The following CC2D1B variants were observed in gnomAD, a reference collection of about 807,000 sequenced individuals.
CC2D1B encodes coiled-coil and C2 domain-containing protein 1B.
Under a neutral mutation model 110.8 loss-of-function variants are expected in CC2D1B, and 92 were observed. That is an observed-to-expected ratio of 0.83 (90% CI 0.70 to 0.99). The LOEUF is 0.99. Among genes scored for constraint, CC2D1B ranks in the 50% least tolerant of loss-of-function variants. The probability of loss-of-function intolerance (pLI) is 0.00; values close to 1 mark genes in which losing one functional copy is unlikely to be tolerated. For missense variants in CC2D1B, 1,136 were observed against 1,089.0 expected (o/e 1.04, Z -0.61); for synonymous variants, 406 against 429.2 (o/e 0.95, Z 0.67).
chr1:52,356,264 T>A lies in CC2D1B; in HGVS notation c.1976A>T (p.Glu659Val), dbSNP rs778546429. Residue 659 changes from glutamate to valine, a missense_variant, in exon 18 of 25, where the codon GAG (glutamate) becomes GTG (valine). Physicochemically the swap from Glu to Val is moderately radical, Grantham distance 121. Transcript: ENST00000284376. Reference sequence around the variant, plus strand: ...CTGAGCCTGGGCCAGCTGCAGGATCTCCAGCTGTTTCTTGCGGTCCTGAGC... The same window carrying A: ...CTGAGCCTGGGCCAGCTGCAGGATCACCAGCTGTTTCTTGCGGTCCTGAGC... The part of the protein sequence containing the change: ...KLAQDRKKQL[E>V]ILQLAQAQGL... 1 of 1,614,200 alleles carries A rather than the reference T, an allele frequency of 6.2e-7. No individual in the cohort carries two copies. The highest frequency in any genetic ancestry group is 1.1e-5 in the South Asian group (1 of 91,086).
At position 52,358,415 on chromosome 1, in the gene CC2D1B, C is replaced by T. The variant is rs761224427; in HGVS notation, c.1377G>A (p.Glu459=). The T allele has an allele frequency of 8.1e-6, 13 of 1,613,988 alleles. No individual in the cohort carries two copies. The highest frequency in any genetic ancestry group is 1.7e-5 in the Admixed American group (1 of 60,004). ...CTGCCAATGTCGCTGCCACTGCGTC[C>T]TCCTCAACACCCATAGTGGACTCCA... ...PGLESTMGVE[E]DAVAATLAAA... Residue 459 remains glutamate, a synonymous_variant, in exon 13 of 25, where the codon GAG becomes GAA. Transcript: ENST00000284376.
In CC2D1B at chr1:52,355,457, G is replaced by T; in HGVS notation, c.2188-8C>A. The T allele has an allele frequency of 6.2e-7, 1 of 1,614,180 alleles. No homozygotes were observed. The highest frequency in any genetic ancestry group is 1.1e-5 in the South Asian group (1 of 91,090). The stretch of plus-strand genomic sequence containing the variant: ...GCTTTTTTGAGCCTGGTCCTAAGCA[G>T]TGAGGAGGGAGAAGTCAGGACAGCG... On this transcript the variant is annotated splice_polypyrimidine_tract_variant and splice_region_variant and intron_variant, in intron 20 of 24. Transcript: ENST00000284376.
At position 52,356,405 on chromosome 1, in the gene CC2D1B, C is replaced by T; in HGVS notation, c.1916G>A (p.Gly639Asp). The change falls in exon 17 of 25, where the codon GGC (glycine) becomes GAC (aspartate). Residue 639 changes from glycine (G) to aspartate (D), a missense_variant. Transcript: ENST00000284376. ...TTACCGGGTGGTCTCAGCCACGTTG[C>T]CCTGGTGCATGAACTGCTTGGAGAA... is the stretch of plus-strand genomic sequence containing the variant. Reference protein sequence around the residue: ...LLFSKQFMHQGNVAETTRFEK... With the variant: ...LLFSKQFMHQDNVAETTRFEK... 1 of 1,614,250 alleles carries T rather than the reference C, an allele frequency of 6.2e-7. No individual in the cohort carries two copies. The highest frequency in any genetic ancestry group is 8.5e-7 in the Non-Finnish European group (1 of 1,180,044).
intron 21 of CC2D1B, 79 bp downstream of exon 21, chr1:52,355,319 G>C: frequency 6.8e-7 from 1 of 1,465,658 alleles, no homozygotes; most frequent in South Asian, 1.2e-5. Context: ...TAAGGGCATA[G>C]ATGGGAACCC....
Position 52,352,527 on chromosome 1 carries a change from G to A in CC2D1B, c.*698C>T, listed in dbSNP as rs757844922. The A allele has an allele frequency of 1.0e-4, 16 of 152,674 alleles. No individual in the cohort carries two copies. Among genetic ancestry groups the A allele is most frequent in the Middle Eastern group, 3.4e-3 (1 of 294 alleles). The allele number at this position is 152,674 out of a possible 1,614,324, so 9.5% of individuals were successfully genotyped here. ...GACTTAGTTTCCTAGATAAATAAAC[G>A]TGTCTACATAAAATTTTATATATAT... On this transcript the variant is annotated 3_prime_UTR_variant, in exon 25 of 25. Transcript: ENST00000284376.
chr1:52,361,367 C>A, intron 4 of CC2D1B, 146 bp downstream of exon 4: 1 of 1,413,028 alleles, frequency 7.1e-7, no homozygotes, highest in South Asian at 1.3e-5. Context: ...CAAAGAGACA[C>A]GCCACCCACT....
In CC2D1B at chr1:52,360,585, G is replaced by C. The variant is rs372950706; in HGVS notation, c.478-36C>G. Reference sequence around the variant, plus strand: ...TTCAGCTAAGGGCCTGGCCACTCCAGGGCCTGCTAGGCCTACCATTCTCCC... The same window carrying C: ...TTCAGCTAAGGGCCTGGCCACTCCACGGCCTGCTAGGCCTACCATTCTCCC... On this transcript the variant is annotated intron_variant, in intron 5 of 24. Transcript: ENST00000284376. The C allele has an allele frequency of 3.2e-4, 517 of 1,603,914 alleles. 5 individuals carry two copies. In the South Asian group the frequency reaches 4.3e-3, roughly 13 times the overall value.
At position 52,359,719 on chromosome 1, in the gene CC2D1B, T is replaced by A; in HGVS notation, c.928A>T (p.Met310Leu). The change falls in exon 8 of 25, where the codon ATG (methionine) becomes TTG (leucine). Residue 310 changes from methionine to leucine, a missense_variant. Transcript: ENST00000284376. ...AGATGCCATACCTTCCCAATCCTCA[T>A]GAGCTCTCGGGCACGGTCTAGCTCT... Reference protein sequence around the residue: ...AGELDRARELMRIGKRFGAVL... With the variant: ...AGELDRARELLRIGKRFGAVL... The A allele has an allele frequency of 6.2e-7, 1 of 1,604,044 alleles. No homozygotes were observed. The highest frequency in any genetic ancestry group is 8.5e-7 in the Non-Finnish European group (1 of 1,175,380).
Position 52,353,588 on chromosome 1 carries a change from C to T in CC2D1B, c.2490G>A (p.Glu830=), listed in dbSNP as rs557312416. 3.2e-5 allele frequency: 51 copies of T among 1,613,622 alleles called. No homozygotes were observed. Among genetic ancestry groups the T allele is most frequent in the African/African-American group, 1.1e-4 (8 of 75,008 alleles). ...TCTGCACATCCTGGCCACTCAGAGG[C>T]TCCCGCAGCCTCACCTTCACCTCCA... is the stretch of plus-strand genomic sequence containing the variant. ...GKLEVKVRLR[E]PLSGQDVQMV... is the part of the protein sequence containing the mutation. Residue 830 remains glutamate (E), a synonymous_variant, in exon 24 of 25, where the codon GAG becomes GAA. Coordinates refer to ENST00000284376, the MANE Select transcript of CC2D1B (RefSeq NM_001330585.2).
intron 23 of CC2D1B, 173 bp downstream of exon 23, chr1:52,354,435 G>A (rs528703743): frequency 1.4e-6 from 1 of 724,400 alleles, no homozygotes; most frequent in Admixed American, 2.0e-5. Flanking sequence ...AGATTTCTCA[G>A]ACCTTCTGAA....
chr1:52,359,302 T>A lies in CC2D1B; in HGVS notation c.1074A>T (p.Pro358=). Residue 358 remains proline (P), a synonymous_variant, in exon 10 of 25, where the codon CCA becomes CCT. Transcript: ENST00000284376. ...QAPTAPSVIP[P]AVERVQPVMA... is the part of the protein sequence containing the mutation. The stretch of plus-strand genomic sequence containing the variant: ...TCACTGGCTGCACTCGCTCCACGGC[T>A]GGGGGAATGACTGAGGGTGCTGTGG... 6.2e-7 allele frequency: 1 copy of A among 1,613,340 alleles called. No homozygotes were observed. Among genetic ancestry groups the A allele is most frequent in the Non-Finnish European group, 8.5e-7 (1 of 1,179,780 alleles).
At chr1:52,365,348 T>C (rs943367944) in intron 1 of CC2D1B, among the ~76,000 whole-genome samples, 2 of 152,256 alleles carry the variant, frequency 1.3e-5, no homozygotes, top group Admixed American at 6.5e-5. Flanking sequence ...AGGTGACCCC[T>C]TCTTCAGCCC....
Position 52,353,611 on chromosome 1 carries a change from C to T in CC2D1B, c.2467G>A (p.Glu823Lys). The T allele has an allele frequency of 1.2e-6, 2 of 1,611,716 alleles. No homozygotes were observed. Among genetic ancestry groups the T allele is most frequent in the South Asian group, 2.2e-5 (2 of 90,754 alleles). ...GGCTCCCGCAGCCTCACCTTCACCT[C>T]CAGCTTCCCCCCGGTGGGCTTCCTT... Reference protein sequence around the residue: ...DGRKPTGGKLEVKVRLREPLS... With the variant: ...DGRKPTGGKLKVKVRLREPLS... Residue 823 changes from glutamate (E) to lysine (K), a missense_variant, in exon 24 of 25, where the codon GAG becomes AAG. Physicochemically the swap from Glu to Lys is moderately conservative, Grantham distance 56 (BLOSUM62 1). Coordinates refer to ENST00000284376, the MANE Select transcript of CC2D1B (RefSeq NM_001330585.2).
chr1:52,354,520 A>C, intron 23 of CC2D1B, 88 bp downstream of exon 23: 1 of 1,082,208 alleles, frequency 9.2e-7, no homozygotes. Flanking sequence ...AGTAATGAGC[A>C]CGAAAACCTA....
Position 52,358,340 on chromosome 1 carries a change from G to A in CC2D1B, c.1452C>T (p.Asp484=), listed in dbSNP as rs762125667. 2.1e-5 allele frequency: 34 copies of A among 1,613,896 alleles called. No individual in the cohort carries two copies. The highest frequency in any genetic ancestry group is 1.7e-4 in the Middle Eastern group (1 of 6,058). ...GAGCCCTCAACCAAACCTCGTCCTC[G>A]TCTTTATCAGCCGGGGCTGAATCCT... The part of the protein sequence containing the change: ...SAEDSAPADK[D]EDEGEPPAQA... Residue 484 remains aspartate, a synonymous_variant, in exon 13 of 25, where the codon GAC becomes GAT. Transcript: ENST00000284376.
Position 52,357,177 on chromosome 1 carries a change from A to G in CC2D1B, c.1753-51T>C, listed in dbSNP as rs535702903. The G allele has an allele frequency of 1.8e-5, 29 of 1,600,058 alleles. No homozygotes were observed. The Admixed American group carries it at 3.1e-4, about 17-fold the overall frequency. ...GCCCCAAGAGTCAGATTACTCCTCT[A>G]CCAAGTCCAACAAAGGCAGGAGCCC... On this transcript the variant is annotated intron_variant, in intron 15 of 24. Transcript: ENST00000284376.
intron 21 of CC2D1B, among the ~76,000 whole-genome samples, 183 bp from the exon 22 acceptor site, chr1:52,355,122 A>G (rs1005612207): frequency 3.3e-5 from 5 of 152,178 alleles, no homozygotes; most frequent in African/African-American, 7.2e-5. Flanking sequence ...TACTCTTTTT[A>G]GTCATAGATT....
In CC2D1B at chr1:52,353,515, C is replaced by T. The variant is rs766157337; in HGVS notation, c.*1+3G>A. On this transcript the variant is annotated splice_donor_region_variant and intron_variant, in intron 24 of 24. Coordinates refer to ENST00000284376, the MANE Select transcript of CC2D1B (RefSeq NM_001330585.2). ...GGTTCTGAAGGCCCAGAGAGCTGCC[C>T]ACCTCACAAGCCCCTGGGCTCCAGA... 3 of 1,609,130 alleles carry T rather than the reference C, an allele frequency of 1.9e-6. No homozygotes were observed. Among genetic ancestry groups the T allele is most frequent in the South Asian group, 1.1e-5 (1 of 90,632 alleles).
rs1646654251 is a variant in CC2D1B, at chr1:52,356,442, T to G, written c.1879A>C (p.Lys627Gln). 6.2e-7 allele frequency: 1 copy of G among 1,614,180 alleles called. No individual in the cohort carries two copies. Among genetic ancestry groups the G allele is most frequent in the South Asian group, 1.1e-5 (1 of 91,084 alleles). ...LQKMLLEQQE[K>Q]CLLFSKQFMH... ...AACTGCTTGGAGAACAGCAGGCACT[T>G]CTGAAAATAGAGGCCCAGAGTGACT... The change falls in exon 17 of 25, where the codon AAG (lysine) becomes CAG (glutamine). Residue 627 changes from lysine (K) to glutamine (Q), a missense_variant and splice_region_variant. Physicochemically the swap from Lys to Gln is moderately conservative, Grantham distance 53 (BLOSUM62 1). Transcript: ENST00000284376.
Sources: gnomAD v4.1 joint callset for allele counts (sites outside exome capture counted in the v4.1 genomes callset) on GRCh38, gnomAD v4.1.1 for gene constraint, MANE v1.5 for transcripts, NCBI Gene and HGNC (gene_info 2026-07-23, HGNC 2026-07-21) for gene names.